The following FMO2 variants were observed in gnomAD, a reference collection of about 807,000 sequenced individuals.
The protein encoded by FMO2 is flavin-containing monooxygenase 2.
In FMO2, 33 loss-of-function variants were observed where a neutral mutation model predicts 41.6. The observed-to-expected ratio is 0.79, with a 90% CI of 0.60 to 1.06. The LOEUF (loss-of-function observed/expected upper bound fraction) is 1.06, where lower values mean the gene tolerates loss of function less well. FMO2 is among the 50% of genes least tolerant of loss of function. The probability of loss-of-function intolerance (pLI) is 0.00; values close to 1 mark genes in which losing one functional copy is unlikely to be tolerated. For missense variants in FMO2, 619 were observed against 632.9 expected (o/e 0.98, Z 0.23); for synonymous variants, 214 against 219.6 (o/e 0.97, Z 0.23).
intron 2 of FMO2, among the ~76,000 whole-genome samples, chr1:171,191,879 AAT>A (rs1221746716): frequency 1.7e-4 from 25 of 148,112 alleles, no homozygotes; most frequent in African/African-American, 4.7e-4. Flanking sequence ...AAAAAAAAAA[AAT>A]ACAAAAAATT....
intron 3 of FMO2, among the ~76,000 whole-genome samples, chr1:171,195,007 G>C (rs1401578060): frequency 6.6e-6 from 1 of 152,098 alleles, no homozygotes; most frequent in Non-Finnish European, 1.5e-5. Context: ...TTGTAACTTT[G>C]TGCACTTAAC....
At chr1:171,194,548 A>G (rs1026031218) in intron 3 of FMO2, among the ~76,000 whole-genome samples, 1 of 152,198 alleles carries the variant, frequency 6.6e-6, no homozygotes, top group Non-Finnish European at 1.5e-5. Context: ...ACTTGAACCC[A>G]AGAGTCTGAG....
chr1:171,208,936 C>A lies in FMO2; in HGVS notation c.1399C>A (p.Pro467Thr). 1.9e-6 allele frequency: 3 copies of A among 1,613,746 alleles called. No homozygotes were observed. The highest frequency in any genetic ancestry group is 2.5e-6 in the Non-Finnish European group (3 of 1,179,768). Reference sequence around the variant, plus strand: ...ACTGGCTGTGAGACTCTATTTCGGACCCTGCAACTCCTATCAGTATCGCCT... The same window carrying A: ...ACTGGCTGTGAGACTCTATTTCGGAACCTGCAACTCCTATCAGTATCGCCT... Reference protein sequence around the residue: ...PKLAVRLYFGPCNSYQYRLVG... With the variant: ...PKLAVRLYFGTCNSYQYRLVG... The change falls in exon 9 of 9, where the codon CCC becomes ACC. Residue 467 changes from proline (P) to threonine (T), a missense_variant. Transcript: ENST00000209929.
intron 2 of FMO2, among the ~76,000 whole-genome samples, chr1:171,192,307 T>C (rs1458409126): frequency 6.6e-6 from 1 of 152,190 alleles, no homozygotes; most frequent in African/African-American, 2.4e-5. Context: ...GAAACCCCCT[T>C]GTATTCTAGT....
In FMO2 at chr1:171,202,240, G is replaced by A. The variant is rs540537311; in HGVS notation, c.628-1625G>A. Among the ~76,000 whole-genome samples, 5 of 152,182 alleles carry A rather than the reference G, an allele frequency of 3.3e-5. No homozygotes were observed. In the South Asian group the frequency reaches 8.3e-4, roughly 25 times the overall value. On this transcript the variant is annotated intron_variant, in intron 5 of 8. Transcript: ENST00000209929. ...ATGGTTTGCTCCTGAGAAAGAAGAGGGGACAGTAAGTAATGGAAAGAGACA... is the reference window on the plus strand; with the variant it reads ...ATGGTTTGCTCCTGAGAAAGAAGAGAGGACAGTAAGTAATGGAAAGAGACA...
At position 171,185,773 on chromosome 1, in the gene FMO2, C is replaced by T. The variant is rs755535715; in HGVS notation, c.60C>T (p.Cys20=). Residue 20 remains cysteine, a synonymous_variant, in exon 2 of 9, where the codon TGC becomes TGT. Coordinates refer to ENST00000209929, the MANE Select transcript of FMO2 (RefSeq NM_001460.5). ...TCAGTGGCCTAATTTCTCTGAAGTG[C>T]TGTGTGGATGAGGGACTTGAGCCCA... The part of the protein sequence containing the change: ...AGVSGLISLK[C]CVDEGLEPTC... 1.2e-6 allele frequency: 2 copies of T among 1,613,700 alleles called. No homozygotes were observed. Among genetic ancestry groups the T allele is most frequent in the East Asian group, 2.2e-5 (1 of 44,876 alleles).
rs1313247847 is a variant in FMO2 at position 171,211,126 on chromosome 1, A to G, written c.*1981A>G. The G allele has an allele frequency of 2.0e-5, 3 of 152,206 alleles. No homozygotes were observed. Among genetic ancestry groups the G allele is most frequent in the Non-Finnish European group, 4.4e-5 (3 of 68,026 alleles). 9.4% of individuals were successfully genotyped at this position (152,206 alleles called of 1,614,324 possible). A position where few individuals can be genotyped will look rare whatever the true frequency, so the allele number is the denominator to read the frequency against. ...TGTAAGTCATTGTATTAATAATACT[A>G]ATAAAATTTATCAAGCCTTTATAGC... On this transcript the variant is annotated 3_prime_UTR_variant, in exon 9 of 9. Transcript: ENST00000209929.
At position 171,211,365 on chromosome 1, in the gene FMO2, A is replaced by T. The variant is rs570014353; in HGVS notation, c.*2220A>T. 3.9e-5 allele frequency: 6 copies of T among 152,334 alleles called. No homozygotes were observed. The East Asian group carries it at 7.7e-4, about 20-fold the overall frequency. The allele number at this position is 152,334 out of a possible 1,614,324, so 9.4% of individuals were successfully genotyped here. A position where few individuals can be genotyped will look rare whatever the true frequency, so the allele number is the denominator to read the frequency against. On this transcript the variant is annotated 3_prime_UTR_variant, in exon 9 of 9. Transcript: ENST00000209929. ...TCTCACCCATTACAGAAAAAGTTTG[A>T]TAATTCCTGCTTTATAATATGTAAG... is the stretch of plus-strand genomic sequence containing the variant.
In FMO2 at chr1:171,209,166, T is replaced by A; in HGVS notation, c.*21T>A. Reference sequence around the variant, plus strand: ...CCTAGTCAGCATAATGCTTTGGGCTTTATTATCTTGTCAGTCACTACCTCC... The same window carrying A: ...CCTAGTCAGCATAATGCTTTGGGCTATATTATCTTGTCAGTCACTACCTCC... On this transcript the variant is annotated 3_prime_UTR_variant, in exon 9 of 9. Coordinates refer to ENST00000209929, the MANE Select transcript of FMO2 (RefSeq NM_001460.5). 2.3e-6 allele frequency: 1 copy of A among 436,624 alleles called. No individual in the cohort carries two copies. Among genetic ancestry groups the A allele is most frequent in the Non-Finnish European group, 4.0e-6 (1 of 248,988 alleles). 27.0% of individuals were successfully genotyped at this position (436,624 alleles called of 1,614,324 possible).
At chr1:171,194,184 C>T (rs1658210575) in intron 3 of FMO2, among the ~76,000 whole-genome samples, 1 of 152,164 alleles carries the variant, frequency 6.6e-6, no homozygotes, top group East Asian at 1.9e-4. Flanking sequence ...GTTTTCTTAG[C>T]TTCTTCATAG....
chr1:171,201,144 A>G (rs1658518835), intron 5 of FMO2, among the ~76,000 whole-genome samples: 1 of 152,154 alleles, frequency 6.6e-6, no homozygotes, highest in South Asian at 2.1e-4. Context: ...TTTTGCACAG[A>G]GTGCAAAAGA....
Position 171,194,041 on chromosome 1 carries a change from A to G in FMO2, c.321+518A>G, listed in dbSNP as rs28369853. On this transcript the variant is annotated intron_variant, in intron 3 of 8. Coordinates refer to ENST00000209929, the MANE Select transcript of FMO2 (RefSeq NM_001460.5). ...GTGATCCACCCGCCTCGGCCCCCCA[A>G]AGTGCTGGGATTACAGGTGTGAACC... is the stretch of plus-strand genomic sequence containing the variant. Among the ~76,000 whole-genome samples, 4 of 152,328 alleles carry G rather than the reference A, an allele frequency of 2.6e-5. No homozygotes were observed. In the East Asian group the frequency reaches 5.8e-4, roughly 22 times the overall value.
chr1:171,207,024 G>T (rs1429323996), intron 7 of FMO2, among the ~76,000 whole-genome samples: 1 of 152,236 alleles, frequency 6.6e-6, no homozygotes, highest in South Asian at 2.1e-4. Context: ...ATACAGAGGG[G>T]GTGTGCAGAA....
Position 171,199,235 on chromosome 1 carries a change from CA to C in FMO2, c.485-107del, listed in dbSNP as rs1224475410. 2.7e-6 allele frequency: 3 copies of C among 1,113,010 alleles called. No individual in the cohort carries two copies. The African/African-American group carries it at 4.9e-5, about 18-fold the overall frequency. 68.9% of individuals were successfully genotyped at this position (1,113,010 alleles called of 1,614,324 possible). A position where few individuals can be genotyped will look rare whatever the true frequency, so the allele number is the denominator to read the frequency against. ...GTGCTTTACTCCTATAGAGAAGAGG[CA>C]AAACAAATTATTAACTCCAGAAAGG... is the stretch of plus-strand genomic sequence containing the variant. On this transcript the variant is annotated intron_variant, in intron 4 of 8. Coordinates refer to ENST00000209929, the MANE Select transcript of FMO2 (RefSeq NM_001460.5).
Position 171,196,958 on chromosome 1 carries a change from C to T in FMO2, c.484+147C>T, listed in dbSNP as rs1658334700. The T allele has an allele frequency of 6.1e-6, 4 of 654,686 alleles. No individual in the cohort carries two copies. In the South Asian group the frequency reaches 8.3e-5, roughly 14 times the overall value. The allele number at this position is 654,686 out of a possible 1,614,324, so 40.6% of individuals were successfully genotyped here. On this transcript the variant is annotated intron_variant, in intron 4 of 8. Transcript: ENST00000209929. ...ACAGAGCTAGAAAGATGAAAGACACCAAACATCATCTTTGTTTCTATTGGC... is the reference window on the plus strand; with the variant it reads ...ACAGAGCTAGAAAGATGAAAGACACTAAACATCATCTTTGTTTCTATTGGC...
In FMO2 at chr1:171,203,882, G is replaced by C. The variant is rs1441205450; in HGVS notation, c.645G>C (p.Arg215Ser). 1 of 1,613,402 alleles carries C rather than the reference G, an allele frequency of 6.2e-7. No homozygotes were observed. The highest frequency in any genetic ancestry group is 1.7e-5 in the Admixed American group (1 of 59,934). ...CTTGCCAGGTTTTTATCAGCACCAG[G>C]CATGGCACCTGGGTCATGAGCCGTA... is the stretch of plus-strand genomic sequence containing the variant. ...KNAAQVFISTRHGTWVMSRIS... is the reference protein window; with the variant it reads ...KNAAQVFISTSHGTWVMSRIS... Residue 215 changes from arginine (R) to serine (S), a missense_variant, in exon 6 of 9, where the codon AGG becomes AGC. Physicochemically the swap from Arg to Ser is moderately radical, Grantham distance 110. Coordinates refer to ENST00000209929, the MANE Select transcript of FMO2 (RefSeq NM_001460.5).
At position 171,211,867 on chromosome 1, in the gene FMO2, C is replaced by A. The variant is rs1450821892; in HGVS notation, c.*2722C>A. On this transcript the variant is annotated 3_prime_UTR_variant, in exon 9 of 9. Coordinates refer to ENST00000209929, the MANE Select transcript of FMO2 (RefSeq NM_001460.5). ...ATAATTCAACCTACTGAATGGAAAT[C>A]TCTGCTGAAATCCACAGTTTTCATA... is the stretch of plus-strand genomic sequence containing the variant. Among the ~76,000 whole-genome samples the A allele has an allele frequency of 6.6e-6, 1 of 151,508 alleles. No individual in the cohort carries two copies. The highest frequency in any genetic ancestry group is 2.5e-5 in the African/African-American group (1 of 40,806).
chr1:171,188,447 A>C (rs1044564305), intron 2 of FMO2, among the ~76,000 whole-genome samples: 1 of 152,210 alleles, frequency 6.6e-6, no homozygotes, highest in African/African-American at 2.4e-5. Context: ...AATTTCTCTT[A>C]AAACTATATC....
rs529847680 is a variant in FMO2 at position 171,205,550 on chromosome 1, G to A, written c.1099G>A (p.Ala367Thr). The A allele has an allele frequency of 9.5e-5, 153 of 1,613,734 alleles. 1 individual carries two copies. The highest frequency in any genetic ancestry group is 4.1e-4 in the South Asian group (37 of 91,052). Reference protein sequence around the residue: ...FPAHLDKSTLACIGLIQPLGS... With the variant: ...FPAHLDKSTLTCIGLIQPLGS... ...CGCTCACCTGGACAAGTCAACCCTC[G>A]CGTGCATTGGTCTCATCCAGCCCCT... The change falls in exon 7 of 9, where the codon GCG becomes ACG. Residue 367 changes from alanine to threonine, a missense_variant. Transcript: ENST00000209929.
Sources: allele counts gnomAD v4.1 joint callset (sites outside exome capture counted in the v4.1 genomes callset), GRCh38; gene constraint gnomAD v4.1.1; transcripts MANE v1.5; gene names NCBI Gene and HGNC (gene_info 2026-07-23, HGNC 2026-07-21).